Variants in LDLRAD4 observed in about 807,000 individuals in gnomAD.
LDLRAD4 encodes the protein low-density lipoprotein receptor class A domain-containing protein 4.
In LDLRAD4, 5 loss-of-function variants were observed where a neutral mutation model predicts 17.0. The ratio of observed to expected loss-of-function variants is 0.29; its 90% confidence interval spans 0.15 to 0.62. The LOEUF is 0.62. LDLRAD4 is among the 20% of genes least tolerant of loss of function. The pLI, the probability that LDLRAD4 is intolerant of heterozygous loss-of-function variation, is 0.84. For synonymous variants in LDLRAD4, 168 were observed against 171.8 expected, an observed-to-expected ratio of 0.98 and a Z score of 0.17; for missense variants, 340 against 424.7, an observed-to-expected ratio of 0.80 and a Z score of 1.75.
At chr18:13,285,346 C>G (rs970041941) in intron 1 of LDLRAD4, among the ~76,000 whole-genome samples, 1 of 152,144 alleles carries the variant, frequency 6.6e-6, no homozygotes, top group Non-Finnish European at 1.5e-5. Context: ...GGGGCAGTCA[C>G]TTCAGTGATG....
intron 1 of LDLRAD4, among the ~76,000 whole-genome samples, chr18:13,350,246 A>G (rs1272905886): frequency 1.3e-5 from 2 of 152,218 alleles, no homozygotes; most frequent in African/African-American, 2.4e-5. Flanking sequence ...CATTTCTACC[A>G]TCAGTGCAAA....
At chr18:13,575,532 G>A (rs751007065) in intron 3 of LDLRAD4, among the ~76,000 whole-genome samples, 12 of 152,318 alleles carry the variant, frequency 7.9e-5, no homozygotes, top group African/African-American at 2.2e-4. Flanking sequence ...ATAAACATGC[G>A]TGTGCAAGTA....
chr18:13,401,893 C>A (rs2087244215), intron 2 of LDLRAD4, among the ~76,000 whole-genome samples: 1 of 152,186 alleles, frequency 6.6e-6, no homozygotes, highest in African/African-American at 2.4e-5. Flanking sequence ...TGTGGACTGA[C>A]TTCCCTGCTG....
intron 1 of LDLRAD4, among the ~76,000 whole-genome samples, chr18:13,285,427 G>A (rs572583822): frequency 1.4e-4 from 22 of 152,226 alleles, no homozygotes; most frequent in Non-Finnish European, 3.1e-4. Flanking sequence ...TCAGGGGACA[G>A]GATTCTGTTG....
At chr18:13,544,932 T>A (rs2094339797) in intron 3 of LDLRAD4, among the ~76,000 whole-genome samples, 1 of 151,814 alleles carries the variant, frequency 6.6e-6, no homozygotes, top group African/African-American at 2.4e-5. Flanking sequence ...ATTTTCCAAA[T>A]TTTCTAAAAT....
chr18:13,492,781 T>C (rs1462962484), intron 3 of LDLRAD4, among the ~76,000 whole-genome samples: 1 of 152,096 alleles, frequency 6.6e-6, no homozygotes, highest in Non-Finnish European at 1.5e-5. Flanking sequence ...CCTCATTTTC[T>C]CCATCCCCAC....
At chr18:13,375,446 A>G (rs1007127156) in intron 1 of LDLRAD4, among the ~76,000 whole-genome samples, 1 of 152,132 alleles carries the variant, frequency 6.6e-6, no homozygotes, top group African/African-American at 2.4e-5. Context: ...GATGTCTCCG[A>G]CGTGGGGAAT....
chr18:13,607,342 C>T (rs2095234757), intron 3 of LDLRAD4, among the ~76,000 whole-genome samples: 1 of 152,210 alleles, frequency 6.6e-6, no homozygotes, highest in African/African-American at 2.4e-5. Flanking sequence ...AAGTGCTTTG[C>T]ATATAGCAGT....
In LDLRAD4 at chr18:13,282,527, A is replaced by G. The variant is rs144295925; in HGVS notation, c.-383+4339A>G. ...AAGTCCAAAATCCAGCGAGGCAGTC[A>G]GATTTTAAAGCTTCAAAATGATCTC... On this transcript the variant is annotated intron_variant, in intron 1 of 5. Transcript: ENST00000359446. 1.8e-4 allele frequency among the ~76,000 whole-genome samples: 27 copies of G among 152,366 alleles called. 1 individual carries two copies. The East Asian group carries it at 5.2e-3, about 29-fold the overall frequency.
intron 2 of LDLRAD4, among the ~76,000 whole-genome samples, chr18:13,415,354 C>G (rs1367626985): frequency 3.9e-5 from 6 of 152,236 alleles, no homozygotes; most frequent in Non-Finnish European, 5.9e-5. Context: ...AACGACCCTT[C>G]CCCACAGACG....
intron 4 of LDLRAD4, among the ~76,000 whole-genome samples, chr18:13,636,430 A>T (rs936055597): frequency 2.6e-5 from 4 of 152,134 alleles, no homozygotes; most frequent in African/African-American, 9.6e-5. Flanking sequence ...TTAGAAAAAA[A>T]AAAAAAGCCC....
chr18:13,262,370 C>G (rs1226837169), intron 1 of LDLRAD4, among the ~76,000 whole-genome samples: 41 of 132,274 alleles, frequency 3.1e-4, no homozygotes, highest in African/African-American at 1.1e-3. Flanking sequence ...CCGTGCGGCC[C>G]TGTGCGTGGA....
intron 1 of LDLRAD4, among the ~76,000 whole-genome samples, chr18:13,321,999 T>C (rs1223812759): frequency 1.3e-5 from 2 of 151,328 alleles, no homozygotes; most frequent in African/African-American, 2.4e-5. Flanking sequence ...TTTAGAATTT[T>C]TTTTTTACAA....
Position 13,645,488 on chromosome 18 carries a change from C to CA in LDLRAD4, c.753dup (p.Pro252ThrfsTer49). 6.2e-7 allele frequency: 1 copy of CA among 1,610,724 alleles called. No homozygotes were observed. ...AGCAGTAACGGGAGGATGGAGGGGC[C>CA]ACCCCCCACATACAGCGAGGTGATG... On this transcript the variant is annotated frameshift_variant, in exon 6 of 6. Transcript: ENST00000359446. LOFTEE classifies it high-confidence loss of function. This position sits in a 1 kb window ranked among gnomAD's most constrained non-coding sequence, Gnocchi z 5.7.
intron 2 of LDLRAD4, among the ~76,000 whole-genome samples, chr18:13,396,732 C>T (rs909326133): frequency 2.0e-5 from 3 of 152,196 alleles, no homozygotes; most frequent in African/African-American, 7.2e-5. Flanking sequence ...ATCCTCCTGC[C>T]TTGGCCTCCC....
At chr18:13,255,076 G>A (rs2043429165) in intron 1 of LDLRAD4, among the ~76,000 whole-genome samples, 2 of 152,244 alleles carry the variant, frequency 1.3e-5, no homozygotes, top group African/African-American at 4.8e-5. Context: ...ATGAACAAAT[G>A]ATTGAACCCG....
chr18:13,341,367 A>G (rs1462186108), intron 1 of LDLRAD4, among the ~76,000 whole-genome samples: 1 of 152,144 alleles, frequency 6.6e-6, no homozygotes, highest in Non-Finnish European at 1.5e-5. Context: ...TGAACATGGA[A>G]TGTCTTTTTA....
intron 1 of LDLRAD4, among the ~76,000 whole-genome samples, chr18:13,318,757 G>A (rs186035144): frequency 1.6e-4 from 24 of 152,168 alleles, no homozygotes; most frequent in African/African-American, 5.3e-4. Context: ...CTGTGTCACT[G>A]TGGTGCTGCC....
chr18:13,408,761 C>T (rs973421143), intron 2 of LDLRAD4, among the ~76,000 whole-genome samples: 12 of 152,144 alleles, frequency 7.9e-5, no homozygotes, highest in African/African-American at 2.7e-4. Context: ...AGGCACACAG[C>T]TTATTAATCG....
Sources: gnomAD v4.1 joint callset for allele counts (sites outside exome capture counted in the v4.1 genomes callset) on GRCh38, gnomAD v4.1.1 for gene constraint, Gnocchi (gnomAD v3.1) non-coding constraint, MANE v1.5 for transcripts, NCBI Gene and HGNC (gene_info 2026-07-23, HGNC 2026-07-21) for gene names.